TCF12: variants seen among roughly 807,000 people sequenced by gnomAD.
TCF12 encodes the protein transcription factor 12.
A neutral mutation model predicts 86.0 loss-of-function variants in TCF12; 45 were observed. The ratio of observed to expected loss-of-function variants is 0.52; its 90% CI spans 0.41 to 0.67. The LOEUF (loss-of-function observed/expected upper bound fraction) is 0.67, where lower values mean the gene tolerates loss of function less well. Ranked by LOEUF, TCF12 falls within the 30% of genes least tolerant of loss-of-function variation. TCF12 has a pLI of 0.00. For synonymous variants in TCF12, 330 were observed against 299.6 expected (o/e 1.10, Z -1.05); for missense variants, 881 against 859.9 (o/e 1.02, Z -0.31).
intron 5 of TCF12, among the ~76,000 whole-genome samples, chr15:57,151,141 A>ATTTT (rs756072811): frequency 9.4e-5 from 12 of 128,150 alleles, no homozygotes; most frequent in African/African-American, 1.7e-4. Flanking sequence ...TGCCTGGCCA[A>ATTTT]TTTTTTTTTT....
At chr15:57,137,229 G>C (rs1415088450) in intron 5 of TCF12, among the ~76,000 whole-genome samples, 1 of 152,016 alleles carries the variant, frequency 6.6e-6, no homozygotes, top group Non-Finnish European at 1.5e-5. Flanking sequence ...TGATCTGCCC[G>C]CCTCGGCCTC....
At chr15:57,232,552 T>TA in intron 10 of TCF12, 122 bp downstream of exon 10, 1 of 1,466,480 alleles carries the variant, frequency 6.8e-7, no homozygotes, top group Non-Finnish European at 9.2e-7. Context: ...CTTCAAGGCT[T>TA]ACCGCGTTTA....
chr15:57,065,691 A>C (rs2068816068), intron 4 of TCF12, among the ~76,000 whole-genome samples: 1 of 142,032 alleles, frequency 7.0e-6, no homozygotes, highest in Admixed American at 7.8e-5. Context: ...TAATGTATCC[A>C]AACACTTATG....
intron 6 of TCF12, among the ~76,000 whole-genome samples, chr15:57,184,573 C>T (rs964498668): frequency 6.6e-6 from 1 of 152,084 alleles, no homozygotes; most frequent in Admixed American, 6.6e-5. Context: ...CAATGAAAGT[C>T]AGTTTGGCAC....
intron 5 of TCF12, among the ~76,000 whole-genome samples, chr15:57,126,033 C>G (rs973574256): frequency 6.6e-6 from 1 of 152,054 alleles, no homozygotes; most frequent in African/African-American, 2.4e-5. Context: ...GAGTTCGAGA[C>G]CAGCCTGGGC....
intron 3 of TCF12, among the ~76,000 whole-genome samples, chr15:56,937,634 G>C (rs28807215): frequency 0.011 from 1,605 of 152,140 alleles, 27 homozygotes; most frequent in African/African-American, 0.033. Flanking sequence ...AATTCTCGGA[G>C]GGAATGCTTT....
At position 57,166,433 on chromosome 15, in the gene TCF12, G is replaced by A. The variant is rs74381562; in HGVS notation, c.357G>A (p.Leu119=). The A allele has an allele frequency of 5.0e-6, 8 of 1,612,356 alleles. No homozygotes were observed. In the African/African-American group the frequency reaches 9.4e-5, roughly 19 times the overall value. The change falls in exon 6 of 21, where the codon CTG becomes CTA. Residue 119 remains leucine (L), a synonymous_variant. Transcript: ENST00000333725. The part of the protein sequence containing the change: ...GKTSERGSFS[L]YSRDTGLPGC... ...CATCAGAGAGAGGCTCATTTTCCCT[G>A]TACAGCAGAGATACTGGATTACCAG... is the stretch of plus-strand genomic sequence containing the variant.
chr15:57,262,054 T>C, intron 16 of TCF12, 40 bp from the exon 17 acceptor site: 1 of 1,395,638 alleles, frequency 7.2e-7, no homozygotes, highest in South Asian at 1.2e-5. Flanking sequence ...CTCTGAACTA[T>C]CTTAATCTTT....
intron 3 of TCF12, among the ~76,000 whole-genome samples, chr15:57,017,743 T>TTC (rs59598416): frequency 1.3e-5 from 2 of 150,928 alleles, no homozygotes; most frequent in Non-Finnish European, 3.0e-5. Context: ...TTTTTTTTTT[T>TTC]GCCTGAACAT....
intron 3 of TCF12, among the ~76,000 whole-genome samples, chr15:57,013,785 C>G (rs1048585994): frequency 6.6e-6 from 1 of 152,092 alleles, no homozygotes; most frequent in Admixed American, 6.6e-5. Flanking sequence ...AAGTTAACAC[C>G]TAAATTTCTA....
At chr15:57,198,085 C>G (rs2057361258) in intron 8 of TCF12, among the ~76,000 whole-genome samples, 2 of 152,172 alleles carry the variant, frequency 1.3e-5, no homozygotes, top group South Asian at 4.1e-4. Flanking sequence ...GGGAAGAGGA[C>G]TAGGCCAGTA....
At position 57,286,950 on chromosome 15, in the gene TCF12, T is replaced by C. The variant is rs973769901; in HGVS notation, c.*805T>C. The C allele has an allele frequency of 3.0e-5, 5 of 167,568 alleles. No homozygotes were observed. The highest frequency in any genetic ancestry group is 6.5e-5 in the Non-Finnish European group (5 of 76,786). 10.4% of individuals were successfully genotyped at this position (167,568 alleles called of 1,614,324 possible). On this transcript the variant is annotated 3_prime_UTR_variant, in exon 21 of 21. Transcript: ENST00000333725. ...AGACCATCTGTGACCATAGCCTAGC[T>C]AGCATTTTAAAAGGGGAAATTTTGT...
intron 12 of TCF12, among the ~76,000 whole-genome samples, chr15:57,241,239 C>A (rs1428664469): frequency 6.6e-6 from 1 of 151,998 alleles, no homozygotes; most frequent in African/African-American, 2.4e-5. Flanking sequence ...GGATTACAGT[C>A]GCCCACCACG....
At chr15:57,164,825 C>T (rs1430505661) in intron 5 of TCF12, among the ~76,000 whole-genome samples, 1 of 152,086 alleles carries the variant, frequency 6.6e-6, no homozygotes, top group Non-Finnish European at 1.5e-5. Context: ...GGCTAACAGG[C>T]GTGTGCCACC....
intron 3 of TCF12, among the ~76,000 whole-genome samples, chr15:57,015,177 A>G (rs1459678989): frequency 1.3e-5 from 2 of 152,122 alleles, no homozygotes; most frequent in African/African-American, 4.8e-5. Flanking sequence ...AATTCTGGCT[A>G]CTCAGGAGGC....
At chr15:57,010,787 T>C (rs1215102662) in intron 3 of TCF12, among the ~76,000 whole-genome samples, 2 of 152,166 alleles carry the variant, frequency 1.3e-5, no homozygotes, top group East Asian at 3.8e-4. Flanking sequence ...AGACTCTTGA[T>C]TTAGGAGGAT....
At chr15:57,240,897 A>AC (rs1415287879) in intron 12 of TCF12, among the ~76,000 whole-genome samples, 2 of 151,070 alleles carry the variant, frequency 1.3e-5, no homozygotes, top group African/African-American at 4.9e-5. Flanking sequence ...AAAAAAAAAA[A>AC]AAAAGAAAGG....
intron 3 of TCF12, among the ~76,000 whole-genome samples, chr15:57,051,945 A>C (rs1413287840): frequency 1.3e-5 from 2 of 152,178 alleles, no homozygotes; most frequent in African/African-American, 4.8e-5. Flanking sequence ...GACCATACAC[A>C]CATGGATTTC....
intron 5 of TCF12, among the ~76,000 whole-genome samples, chr15:57,131,117 T>G (rs1230340328): frequency 6.6e-6 from 1 of 152,188 alleles, no homozygotes; most frequent in Non-Finnish European, 1.5e-5. Context: ...GGCAAAAGGT[T>G]CAAACGTAGG....
Sources: allele counts gnomAD v4.1 joint callset (sites outside exome capture counted in the v4.1 genomes callset), GRCh38; gene constraint gnomAD v4.1.1; transcripts MANE v1.5; gene names NCBI Gene and HGNC (gene_info 2026-07-23, HGNC 2026-07-21).